The following ADARB1 variants were observed in gnomAD, a reference collection of about 807,000 sequenced individuals.
ADARB1 encodes the protein double-stranded RNA-specific editase 1.
Under a neutral mutation model 52.4 loss-of-function variants are expected in ADARB1, and 10 were observed. The observed-to-expected ratio is 0.19, with a 90% CI of 0.12 to 0.32. ADARB1 has a LOEUF of 0.32. Among genes scored for constraint, ADARB1 ranks in the 10% least tolerant of loss-of-function variants. The probability of loss-of-function intolerance (pLI) is 1.00; values close to 1 mark genes in which losing one functional copy is unlikely to be tolerated. For synonymous variants in ADARB1, 349 were observed against 371.1 expected, an observed-to-expected ratio of 0.94 and a Z score of 0.68; for missense variants, 643 against 922.3, an observed-to-expected ratio of 0.70 and a Z score of 3.92.
At chr21:45,109,342 G>A (rs745977858) in intron 1 of ADARB1, among the ~76,000 whole-genome samples, 7 of 152,238 alleles carry the variant, frequency 4.6e-5, no homozygotes, top group Non-Finnish European at 8.8e-5. Context: ...GTGTGTGCAC[G>A]TGTGTGTCCC....
At chr21:45,112,209 C>T (rs1465758033) in intron 1 of ADARB1, among the ~76,000 whole-genome samples, 3 of 152,230 alleles carry the variant, frequency 2.0e-5, no homozygotes, top group African/African-American at 7.2e-5. Flanking sequence ...CTGCACACCT[C>T]ATGTCTTGCC....
At chr21:45,203,738 G>A (rs2092610387) in intron 8 of ADARB1, among the ~76,000 whole-genome samples, 1 of 152,232 alleles carries the variant, frequency 6.6e-6, no homozygotes, top group Non-Finnish European at 1.5e-5. Context: ...GTCACTTGCA[G>A]AGAACAGGAA....
intron 8 of ADARB1, among the ~76,000 whole-genome samples, chr21:45,189,733 GTT>G (rs59742161): frequency 1.6e-4 from 21 of 132,150 alleles, no homozygotes; most frequent in African/African-American, 5.8e-4. Flanking sequence ...TGACAGGGTT[GTT>G]TTTTTTTTTT....
At chr21:45,187,191 TTTCAGCAG>T (rs2092137544) in intron 8 of ADARB1, among the ~76,000 whole-genome samples, 1 of 152,248 alleles carries the variant, frequency 6.6e-6, no homozygotes, top group Admixed American at 6.5e-5. Flanking sequence ...TCTTCATTTC[TTTCAGCAG>T]TGTTTTATAA....
chr21:45,109,231 GTA>G (rs1255393817), intron 1 of ADARB1, among the ~76,000 whole-genome samples: 129 of 148,706 alleles, frequency 8.7e-4, no homozygotes, highest in African/African-American at 2.0e-3. Flanking sequence ...GCGCTTGTGT[GTA>G]TATGTGTGTG....
rs746330259 is a variant in ADARB1, at chr21:45,184,942, A to G, written c.1416A>G (p.Pro472=). The change falls in exon 8 of 11, where the codon CCA becomes CCG. Residue 472 remains proline, a synonymous_variant. Coordinates refer to ENST00000348831, the MANE Select transcript of ADARB1 (RefSeq NM_001112.4). The part of the protein sequence containing the change: ...PILEEPADRH[P]NRKARGQLRT... ...TCTTAGAACCAGCAGATAGACACCC[A>G]AATCGTAAAGCAAGAGGACAGCTAC... 3.0e-5 allele frequency: 48 copies of G among 1,612,982 alleles called. No individual in the cohort carries two copies. The highest frequency in any genetic ancestry group is 3.8e-5 in the Non-Finnish European group (45 of 1,179,114).
In ADARB1 at chr21:45,080,448, A is replaced by G. The variant is rs1221821571; in HGVS notation, c.-220+5655A>G. 2.0e-5 allele frequency among the ~76,000 whole-genome samples: 3 copies of G among 152,286 alleles called. No individual in the cohort carries two copies. In the East Asian group the frequency reaches 5.8e-4, roughly 29 times the overall value. ...GGAGGCGGGACTTCAGGAGGGAGGCAGGACTTCTGCACGTGGGAGCCTGGA... is the reference window on the plus strand; with the variant it reads ...GGAGGCGGGACTTCAGGAGGGAGGCGGGACTTCTGCACGTGGGAGCCTGGA... On this transcript the variant is annotated intron_variant, in intron 1 of 10. Transcript: ENST00000348831.
At chr21:45,198,512 C>A (rs1425350585) in intron 8 of ADARB1, among the ~76,000 whole-genome samples, 3 of 151,684 alleles carry the variant, frequency 2.0e-5, no homozygotes, top group Admixed American at 6.6e-5. Flanking sequence ...CACACACACA[C>A]ACACACACAT....
intron 2 of ADARB1, among the ~76,000 whole-genome samples, chr21:45,158,146 G>A (rs757448733): frequency 5.3e-5 from 8 of 152,160 alleles, no homozygotes; most frequent in Admixed American, 2.0e-4. Flanking sequence ...GAGAGGAGGC[G>A]GAAGGGCCCA....
Position 45,220,304 on chromosome 21 carries a change from T to A in ADARB1, c.1748-532T>A, listed in dbSNP as rs2092940155. Among the ~76,000 whole-genome samples the A allele has an allele frequency of 6.6e-6, 1 of 152,196 alleles. No homozygotes were observed. Among genetic ancestry groups the A allele is most frequent in the African/African-American group, 2.4e-5 (1 of 41,440 alleles). ...TTAAGAATTAGGGTTTCCTATTGCA[T>A]CATGGATGTCACACATGCAAAGCCA... is the stretch of plus-strand genomic sequence containing the variant. On this transcript the variant is annotated intron_variant, in intron 9 of 10. Coordinates refer to ENST00000348831, the MANE Select transcript of ADARB1 (RefSeq NM_001112.4). This position sits in a 1 kb window ranked among gnomAD's most constrained non-coding sequence, Gnocchi z 6.3.
At chr21:45,109,303 T>C (rs949672010) in intron 1 of ADARB1, among the ~76,000 whole-genome samples, 1 of 150,836 alleles carries the variant, frequency 6.6e-6, no homozygotes, top group Non-Finnish European at 1.5e-5. Flanking sequence ...TATATGTGTG[T>C]GCACGTGTGT....
intron 1 of ADARB1, among the ~76,000 whole-genome samples, chr21:45,123,241 C>T (rs1209657620): frequency 6.6e-6 from 1 of 151,740 alleles, no homozygotes; most frequent in Non-Finnish European, 1.5e-5. Flanking sequence ...TGATAACTCC[C>T]CCTCATCCAT....
intron 8 of ADARB1, among the ~76,000 whole-genome samples, chr21:45,198,071 C>T (rs2092465016): frequency 6.6e-6 from 1 of 151,944 alleles, no homozygotes; most frequent in Non-Finnish European, 1.5e-5. Context: ...TGAGAAAATG[C>T]TTATATAAGT....
At chr21:45,214,022 G>A (rs2092817623) in intron 9 of ADARB1, among the ~76,000 whole-genome samples, 1 of 152,232 alleles carries the variant, frequency 6.6e-6, no homozygotes, top group African/African-American at 2.4e-5. Context: ...GTGTGCGGGA[G>A]TTGTAGTTCT....
intron 2 of ADARB1, among the ~76,000 whole-genome samples, chr21:45,140,883 A>C (rs2089684742): frequency 6.6e-6 from 1 of 152,146 alleles, no homozygotes; most frequent in African/African-American, 2.4e-5. Context: ...GAAGTTTTGT[A>C]CATCTTTTGC....
At chr21:45,106,125 A>C (rs2087243372) in intron 1 of ADARB1, among the ~76,000 whole-genome samples, 1 of 148,288 alleles carries the variant, frequency 6.7e-6, no homozygotes, top group African/African-American at 2.5e-5. Context: ...TCTCATCCAC[A>C]GCAGTATTCC....
At chr21:45,164,149 G>A (rs932759207) in intron 2 of ADARB1, among the ~76,000 whole-genome samples, 1 of 152,186 alleles carries the variant, frequency 6.6e-6, no homozygotes, top group Non-Finnish European at 1.5e-5. Flanking sequence ...CTGCCACGTC[G>A]CAGGCACCAT....
At chr21:45,203,737 A>G (rs2092610332) in intron 8 of ADARB1, among the ~76,000 whole-genome samples, 1 of 152,232 alleles carries the variant, frequency 6.6e-6, no homozygotes, top group Non-Finnish European at 1.5e-5. Flanking sequence ...TGTCACTTGC[A>G]GAGAACAGGA....
intron 2 of ADARB1, chr21:45,134,962 G>A (rs2089280711): frequency 1.3e-5 from 5 of 379,910 alleles, no homozygotes; most frequent in Non-Finnish European, 2.1e-5. Flanking sequence ...GTCTCCTGGG[G>A]CAGGGACTGG....
Sources: allele counts gnomAD v4.1 joint callset (sites outside exome capture counted in the v4.1 genomes callset), GRCh38; gene constraint gnomAD v4.1.1; non-coding constraint Gnocchi (gnomAD v3.1); transcripts MANE v1.5; gene names NCBI Gene and HGNC (gene_info 2026-07-23, HGNC 2026-07-21).